The following CSMD1 variants were observed in gnomAD, a reference collection of about 807,000 sequenced individuals.
The protein encoded by CSMD1 is CUB and Sushi multiple domains 1.
Under a neutral mutation model 417.5 loss-of-function variants are expected in CSMD1, and 213 were observed. The observed-to-expected ratio is 0.51, with a 90% CI of 0.46 to 0.57. CSMD1 has a LOEUF of 0.57. Ranked by LOEUF, CSMD1 falls within the 20% of genes least tolerant of loss-of-function variation. CSMD1 has a pLI of 0.00. For synonymous variants in CSMD1, 2,862 were observed against 1,736.8 expected (o/e 1.65, Z -16.11); for missense variants, 6,923 against 4,529.7 (o/e 1.53, Z -15.17).
At chr8:4,584,480 G>C (rs538611909) in intron 2 of CSMD1, among the ~76,000 whole-genome samples, 35 of 152,146 alleles carry the variant, frequency 2.3e-4, no homozygotes, top group African/African-American at 8.4e-4. Context: ...AAAGAAACGG[G>C]TGTCAGGCTT....
chr8:3,761,399 A>C (rs943606637), intron 5 of CSMD1, among the ~76,000 whole-genome samples: 1 of 152,138 alleles, frequency 6.6e-6, no homozygotes, highest in African/African-American at 2.4e-5. Context: ...GGGGAAAAAC[A>C]ACCAACTATG....
chr8:3,547,236 G>A (rs900051420), intron 10 of CSMD1, among the ~76,000 whole-genome samples: 1 of 152,168 alleles, frequency 6.6e-6, no homozygotes, highest in African/African-American at 2.4e-5. Context: ...AAGTGAGCAA[G>A]CCTCTTCTTG....
At chr8:3,768,669 G>A (rs1269279429) in intron 5 of CSMD1, among the ~76,000 whole-genome samples, 1 of 152,166 alleles carries the variant, frequency 6.6e-6, no homozygotes, top group Non-Finnish European at 1.5e-5. Flanking sequence ...ACTTTTAAGT[G>A]TTGTGTTATT....
intron 3 of CSMD1, among the ~76,000 whole-genome samples, chr8:4,280,267 G>C (rs1299151274): frequency 6.6e-6 from 1 of 152,154 alleles, no homozygotes; most frequent in Non-Finnish European, 1.5e-5. Flanking sequence ...TGCAGTATTT[G>C]ATATTAGCAC....
intron 1 of CSMD1, among the ~76,000 whole-genome samples, chr8:4,925,672 A>G (rs981813688): frequency 9.9e-5 from 15 of 151,466 alleles, no homozygotes; most frequent in African/African-American, 1.7e-4. Context: ...TCAGCCTCCC[A>G]AGTAGCTGGG....
intron 7 of CSMD1, among the ~76,000 whole-genome samples, chr8:3,656,251 G>T (rs1022374696): frequency 6.6e-6 from 1 of 152,156 alleles, no homozygotes; most frequent in African/African-American, 2.4e-5. Flanking sequence ...TAAACAGGAA[G>T]GAAAGGAGAA....
chr8:3,576,908 A>G (rs1800173625), intron 9 of CSMD1, among the ~76,000 whole-genome samples: 1 of 152,256 alleles, frequency 6.6e-6, no homozygotes, highest in Non-Finnish European at 1.5e-5. Flanking sequence ...ACTTTTTAAC[A>G]CTTCATAATT....
intron 2 of CSMD1, among the ~76,000 whole-genome samples, chr8:4,427,039 G>A (rs1473085712): frequency 1.3e-5 from 2 of 152,088 alleles, no homozygotes; most frequent in African/African-American, 4.8e-5. Flanking sequence ...GAGAACTGGT[G>A]TAGACGGAAC....
intron 3 of CSMD1, among the ~76,000 whole-genome samples, chr8:4,394,819 C>G (rs764851603): frequency 2.6e-5 from 4 of 152,138 alleles, no homozygotes; most frequent in Non-Finnish European, 5.9e-5. Flanking sequence ...CTTTAAATTT[C>G]TGGATTTTTT....
chr8:4,714,689 G>T (rs757053738), intron 1 of CSMD1, among the ~76,000 whole-genome samples: 1 of 152,050 alleles, frequency 6.6e-6, no homozygotes, highest in Non-Finnish European at 1.5e-5. Flanking sequence ...AAGAAGCTAG[G>T]CAGTTCAAAT....
At chr8:3,858,654 G>A (rs1444566689) in intron 5 of CSMD1, among the ~76,000 whole-genome samples, 2 of 147,792 alleles carry the variant, frequency 1.4e-5, no homozygotes, top group Admixed American at 6.7e-5. Flanking sequence ...ATTTAATGCT[G>A]TTATAATCTT....
chr8:4,307,373 C>T (rs78589148), intron 3 of CSMD1, among the ~76,000 whole-genome samples: 2,722 of 152,236 alleles, frequency 0.018, 32 homozygotes, highest in South Asian at 0.039. Flanking sequence ...TGGTGGAGCA[C>T]AGCTTGGCCT....
At chr8:4,142,719 C>G (rs1803865214) in intron 3 of CSMD1, among the ~76,000 whole-genome samples, 1 of 151,054 alleles carries the variant, frequency 6.6e-6, no homozygotes, top group African/African-American at 2.5e-5. Context: ...TCCTAGAGGC[C>G]AGACCTGACA....
At chr8:4,556,935 G>T (rs1405256172) in intron 2 of CSMD1, among the ~76,000 whole-genome samples, 6 of 152,174 alleles carry the variant, frequency 3.9e-5, no homozygotes, top group African/African-American at 1.4e-4. Context: ...TTTCAGATAA[G>T]TGATATTCAA....
intron 26 of CSMD1, among the ~76,000 whole-genome samples, chr8:3,254,348 G>A (rs1800487408): frequency 1.3e-5 from 2 of 152,028 alleles, no homozygotes; most frequent in African/African-American, 4.8e-5. Flanking sequence ...TGACAATTAT[G>A]TGTCTTAGAG....
chr8:3,301,624 G>A (rs12678461), intron 25 of CSMD1, among the ~76,000 whole-genome samples: 1 of 152,170 alleles, frequency 6.6e-6, no homozygotes, highest in African/African-American at 2.4e-5. Flanking sequence ...CAGTAGCACA[G>A]GCTATGATCA....
Position 3,299,084 on chromosome 8 carries a change from A to G in CSMD1, c.3950+8611T>C, listed in dbSNP as rs557145104. The stretch of plus-strand genomic sequence containing the variant: ...ACTTAAATGTAGGTAAGTGTCAGTC[A>G]TTTTTTATTCAAATGTAAAATTGTT... On this transcript the variant is annotated intron_variant, in intron 25 of 69. Coordinates refer to ENST00000635120, the MANE Select transcript of CSMD1 (RefSeq NM_033225.6). 5.3e-5 allele frequency among the ~76,000 whole-genome samples: 8 copies of G among 152,320 alleles called. No individual in the cohort carries two copies. In the South Asian group the frequency reaches 8.3e-4, roughly 16 times the overall value.
chr8:4,432,753 T>G (rs7007659), intron 2 of CSMD1, among the ~76,000 whole-genome samples: 1 of 152,070 alleles, frequency 6.6e-6, no homozygotes, highest in East Asian at 1.9e-4. Flanking sequence ...ACCAGGGCCA[T>G]AGAGGAAATA....
intron 5 of CSMD1, among the ~76,000 whole-genome samples, chr8:3,829,728 A>G (rs1274244569): frequency 6.6e-6 from 1 of 152,198 alleles, no homozygotes. Context: ...TTCCTGTAGC[A>G]GTTCTCAAAA....
Sources: allele counts gnomAD v4.1 joint callset (sites outside exome capture counted in the v4.1 genomes callset), GRCh38; gene constraint gnomAD v4.1.1; transcripts MANE v1.5; gene names NCBI Gene and HGNC (gene_info 2026-07-23, HGNC 2026-07-21).